FAT3: variants seen among roughly 807,000 people sequenced by gnomAD.
The protein encoded by FAT3 is protocadherin Fat 3.
A neutral mutation model predicts 310.2 loss-of-function variants in FAT3; 95 were observed. The observed-to-expected ratio is 0.31, with a 90% CI of 0.26 to 0.36. FAT3 has a LOEUF of 0.36. Among genes scored for constraint, FAT3 ranks in the 10% least tolerant of loss-of-function variants. The probability of loss-of-function intolerance (pLI) is 1.00; values close to 1 mark genes in which losing one functional copy is unlikely to be tolerated. For synonymous variants in FAT3, 2,314 were observed against 2,192.9 expected (o/e 1.06, Z -1.54); for missense variants, 5,408 against 5,715.6 (o/e 0.95, Z 1.74).
intron 4 of FAT3, among the ~76,000 whole-genome samples, chr11:92,706,725 G>A (rs987725706): frequency 6.6e-6 from 1 of 152,170 alleles, no homozygotes; most frequent in African/African-American, 2.4e-5. Context: ...TTTGTGGGAT[G>A]TAATTAGTTT....
intron 2 of FAT3, among the ~76,000 whole-genome samples, chr11:92,385,228 G>A (rs780172316): frequency 1.3e-5 from 2 of 152,022 alleles, no homozygotes; most frequent in African/African-American, 4.8e-5. Context: ...TTTAAATTAC[G>A]GTACATCTTT....
intron 3 of FAT3, among the ~76,000 whole-genome samples, chr11:92,541,623 T>C (rs1253363668): frequency 6.6e-6 from 1 of 152,152 alleles, no homozygotes; most frequent in South Asian, 2.1e-4. Flanking sequence ...ATTCTCAAAG[T>C]GCTTTGGGAA....
rs75865307 is a variant in FAT3 at position 92,745,912 on chromosome 11, T to C, written c.3670-15944T>C. 9.3e-3 allele frequency among the ~76,000 whole-genome samples: 1,414 copies of C among 152,286 alleles called. 22 individuals carry two copies. Among genetic ancestry groups the C allele is most frequent in the African/African-American group, 0.031 (1,304 of 41,554 alleles). On this transcript the variant is annotated intron_variant, in intron 4 of 27. Transcript: ENST00000525166. ...GAATCAGTGCCCTGCAGAAGACAGA[T>C]CATGGGTACCTGGAAAGGGTGGATT...
chr11:92,522,542 G>GA (rs1446201428), intron 2 of FAT3, among the ~76,000 whole-genome samples: 4 of 152,038 alleles, frequency 2.6e-5, no homozygotes, highest in Non-Finnish European at 5.9e-5. Flanking sequence ...ATTCCTACAG[G>GA]AAAAACCACA....
chr11:92,650,975 G>C (rs1942356110), intron 3 of FAT3, among the ~76,000 whole-genome samples: 1 of 152,206 alleles, frequency 6.6e-6, no homozygotes, highest in African/African-American at 2.4e-5. Flanking sequence ...AATGCAGCTT[G>C]CTCTCTGGAG....
chr11:92,880,678 C>T (rs1161473096), intron 22 of FAT3, 53 bp from the exon 23 acceptor site: 7 of 1,558,066 alleles, frequency 4.5e-6, no homozygotes, highest in Non-Finnish European at 6.1e-6. Context: ...TGAGTCCAAG[C>T]ACTCAGCCCT....
intron 2 of FAT3, among the ~76,000 whole-genome samples, chr11:92,505,481 G>A (rs996018901): frequency 2.0e-5 from 3 of 152,162 alleles, no homozygotes; most frequent in African/African-American, 4.8e-5. Context: ...GTGCATCACT[G>A]CCCTCTCTGG....
chr11:92,568,898 T>A (rs486472), intron 3 of FAT3, among the ~76,000 whole-genome samples: 59,383 of 152,090 alleles, frequency 0.39, 12,337 homozygotes, highest in Middle Eastern at 0.53. Flanking sequence ...GTCAACCCTC[T>A]GGTCACTGTA....
intron 2 of FAT3, among the ~76,000 whole-genome samples, chr11:92,451,769 G>A (rs1446583545): frequency 6.6e-6 from 1 of 152,178 alleles, no homozygotes; most frequent in Non-Finnish European, 1.5e-5. Flanking sequence ...GTCCTTTATA[G>A]TGAAGAAGAA....
rs1274889273 is a variant in FAT3, at chr11:92,895,091, G to C, written c.*3978G>C. ...GTGTTCATTTTGCATGGATTGTCCA[G>C]ATAATTGGCTCTTCACTCCGCTGCC... On this transcript the variant is annotated 3_prime_UTR_variant, in exon 28 of 28. Coordinates refer to ENST00000525166, the MANE Select transcript of FAT3 (RefSeq NM_001367949.2). 1 of 152,224 alleles carries C rather than the reference G, an allele frequency of 6.6e-6. No individual in the cohort carries two copies. Among genetic ancestry groups the C allele is most frequent in the Non-Finnish European group, 1.5e-5 (1 of 68,040 alleles). 9.4% of individuals were successfully genotyped at this position (152,224 alleles called of 1,614,324 possible). A position where few individuals can be genotyped will look rare whatever the true frequency, so the allele number is the denominator to read the frequency against.
At chr11:92,547,704 C>T (rs1954660022) in intron 3 of FAT3, among the ~76,000 whole-genome samples, 1 of 152,140 alleles carries the variant, frequency 6.6e-6, no homozygotes, top group South Asian at 2.1e-4. Flanking sequence ...CTCTGTCCCT[C>T]ATCAACAGCC....
chr11:92,296,071 T>C (rs186060053), intron 1 of FAT3, among the ~76,000 whole-genome samples: 1 of 152,228 alleles, frequency 6.6e-6, no homozygotes, highest in Admixed American at 6.5e-5. Context: ...GGCTCAATGG[T>C]GTTTACTCTG....
chr11:92,316,248 C>A (rs540925698), intron 1 of FAT3, among the ~76,000 whole-genome samples: 16 of 151,972 alleles, frequency 1.1e-4, no homozygotes, highest in Non-Finnish European at 2.1e-4. Context: ...AAAGACACTC[C>A]ACTTGAAGCG....
At chr11:92,571,229 G>C (rs1443981489) in intron 3 of FAT3, among the ~76,000 whole-genome samples, 1 of 152,164 alleles carries the variant, frequency 6.6e-6, no homozygotes, top group East Asian at 1.9e-4. Context: ...GGATGGACAA[G>C]ATACATATGG....
At chr11:92,884,537 C>A (rs1428563942) in intron 24 of FAT3, among the ~76,000 whole-genome samples, 1 of 152,126 alleles carries the variant, frequency 6.6e-6, no homozygotes, top group South Asian at 2.1e-4. Flanking sequence ...ATGGTTATAG[C>A]ACTGTGGCAT....
At chr11:92,275,550 A>G (rs1324069051) in intron 1 of FAT3, among the ~76,000 whole-genome samples, 1 of 151,838 alleles carries the variant, frequency 6.6e-6, no homozygotes, top group Non-Finnish European at 1.5e-5. Flanking sequence ...CTGTTTCCTT[A>G]CTTTCTTTCA....
At chr11:92,625,377 G>A (rs1352886970) in intron 3 of FAT3, among the ~76,000 whole-genome samples, 1 of 152,148 alleles carries the variant, frequency 6.6e-6, no homozygotes, top group Non-Finnish European at 1.5e-5. Context: ...TACACTGGCT[G>A]TCAGATCCTA....
intron 2 of FAT3, among the ~76,000 whole-genome samples, chr11:92,411,590 G>T: frequency 6.6e-6 from 1 of 152,034 alleles, no homozygotes; most frequent in Admixed American, 6.6e-5. Context: ...GCTGTGTTTC[G>T]CATGGAAGGA....
chr11:92,566,405 G>A (rs558465036), intron 3 of FAT3, among the ~76,000 whole-genome samples: 2 of 152,068 alleles, frequency 1.3e-5, no homozygotes, highest in African/African-American at 4.8e-5. Flanking sequence ...ACAAATGGAA[G>A]AACATTCCAT....
Sources: gnomAD v4.1 joint callset for allele counts (sites outside exome capture counted in the v4.1 genomes callset) on GRCh38, gnomAD v4.1.1 for gene constraint, MANE v1.5 for transcripts, NCBI Gene and HGNC (gene_info 2026-07-23, HGNC 2026-07-21) for gene names.